Variants in ODAD3 observed in about 807,000 individuals in gnomAD.
ODAD3 encodes outer dynein arm docking complex subunit 3.
A neutral mutation model predicts 70.9 loss-of-function variants in ODAD3; 57 were observed. The ratio of observed to expected loss-of-function variants is 0.80; its 90% CI spans 0.65 to 1.00. The LOEUF is 1.00. Ranked by LOEUF, ODAD3 falls within the 50% of genes least tolerant of loss-of-function variation. ODAD3 has a pLI of 0.00. For missense variants in ODAD3, 797 were observed against 763.9 expected (o/e 1.04, Z -0.51); for synonymous variants, 327 against 315.9 (o/e 1.04, Z -0.37).
chr19:11,428,461 A>T (rs914659630), intron 3 of ODAD3, among the ~76,000 whole-genome samples: 1 of 151,944 alleles, frequency 6.6e-6, no homozygotes, highest in African/African-American at 2.4e-5. Flanking sequence ...CAGGCTGGTC[A>T]TGAACTTCTG....
rs1377587162 is a variant in ODAD3, at chr19:11,420,721, T to G, written c.*114A>C. On this transcript the variant is annotated 3_prime_UTR_variant, in exon 13 of 13. Coordinates refer to ENST00000356392, the MANE Select transcript of ODAD3 (RefSeq NM_145045.5). ...TCCCCTCCGGGCGCCGCTGGCCGCC[T>G]CCGTTCCCGGTCCGGGCCGCGTTCA... The G allele has an allele frequency of 3.4e-6, 3 of 887,054 alleles. No homozygotes were observed. The highest frequency in any genetic ancestry group is 1.7e-5 in the African/African-American group (1 of 59,914). The allele number at this position is 887,054 out of a possible 1,614,324, so 54.9% of individuals were successfully genotyped here.
At position 11,421,716 on chromosome 19, in the gene ODAD3, G is replaced by A; in HGVS notation, c.1551C>T (p.His517=). 2 of 1,613,332 alleles carry A rather than the reference G, an allele frequency of 1.2e-6. No homozygotes were observed. Among genetic ancestry groups the A allele is most frequent in the South Asian group, 1.1e-5 (1 of 91,084 alleles). Residue 517 remains histidine (H), a synonymous_variant, in exon 11 of 13, where the codon CAC becomes CAT. Transcript: ENST00000356392. The stretch of plus-strand genomic sequence containing the variant: ...TGTGGCACAGCATCTCCTGCACGTC[G>A]TGGCCCTGGAGCTGCGCCTGCAGTT... ...LLKLQAQLQG[H]DVQEMLCHIA... is the part of the protein sequence containing the mutation.
At chr19:11,432,110 C>CA (rs754127984) in intron 1 of ODAD3, among the ~76,000 whole-genome samples, 13 of 152,178 alleles carry the variant, frequency 8.5e-5, no homozygotes, top group East Asian at 7.7e-4. Flanking sequence ...GACTCTGTCT[C>CA]AAAAAACAAA....
At position 11,425,616 on chromosome 19, in the gene ODAD3, T is replaced by TGCATATAC. The variant is rs1969345699; in HGVS notation, c.963+527_963+528insGTATATGC. Reference sequence around the variant, plus strand: ...ATGTGTATATATGTGTGTGTATATATGCATATATGCATATATGTATATATA... The same window carrying TGCATATAC: ...ATGTGTATATATGTGTGTGTATATATGCATATACGCATATATGCATATATGTATATATA... On this transcript the variant is annotated intron_variant, in intron 7 of 12. Transcript: ENST00000356392. Among the ~76,000 whole-genome samples, 38 of 142,648 alleles carry TGCATATAC rather than the reference T, an allele frequency of 2.7e-4. 2 individuals carry two copies. Among genetic ancestry groups the TGCATATAC allele is most frequent in the African/African-American group, 1.1e-3 (38 of 35,966 alleles). 93.6% of individuals were successfully genotyped at this position (142,648 alleles called of 152,430 possible).
intron 1 of ODAD3, among the ~76,000 whole-genome samples, chr19:11,432,199 C>T (rs572960011): frequency 5.4e-4 from 82 of 152,312 alleles, no homozygotes; most frequent in Non-Finnish European, 1.0e-3. Flanking sequence ...CAGATACAAA[C>T]AGTTGTCCCT....
chr19:11,434,951 C>A lies in ODAD3; in HGVS notation c.66G>T (p.Thr22=). The A allele has an allele frequency of 6.2e-7, 1 of 1,613,866 alleles. No homozygotes were observed. Among genetic ancestry groups the A allele is most frequent in the East Asian group, 2.2e-5 (1 of 44,892 alleles). ...NALPPQDQAS[T]PSSRVKGREA... ...CCCTGCCCTTGACCCTGGAAGAGGGCGTCGAAGCCTGGTCCTGAGGAGGCA... is the reference window on the plus strand; with the variant it reads ...CCCTGCCCTTGACCCTGGAAGAGGGAGTCGAAGCCTGGTCCTGAGGAGGCA... Residue 22 remains threonine, a synonymous_variant, in exon 1 of 13, where the codon ACG becomes ACT. Transcript: ENST00000356392.
intron 7 of ODAD3, among the ~76,000 whole-genome samples, chr19:11,424,982 T>TATATGTACATATGTGC (rs1969251772): frequency 8.3e-5 from 11 of 132,354 alleles, no homozygotes; most frequent in Non-Finnish European, 1.4e-4. Context: ...TATATATGTG[T>TATATGTACATATGTGC]ATATGTACAT....
rs1340408954 is a variant in ODAD3 at position 11,427,058 on chromosome 19, G to A, written c.445-18C>T. On this transcript the variant is annotated intron_variant, in intron 3 of 12. Transcript: ENST00000356392. ...TCCAGGGCCTGCCGCAAGGAGGGGA[G>A]CGAAAGCAGGAGCCTCAACACCCTA... The A allele has an allele frequency of 6.4e-7, 1 of 1,555,128 alleles. No individual in the cohort carries two copies. The highest frequency in any genetic ancestry group is 1.2e-5 in the South Asian group (1 of 86,426).
chr19:11,427,848 C>T (rs1006337122), intron 3 of ODAD3, among the ~76,000 whole-genome samples: 5 of 150,766 alleles, frequency 3.3e-5, no homozygotes, highest in African/African-American at 9.7e-5. Context: ...CGCCTGTAAT[C>T]CCAGCACTTT....
chr19:11,430,635 G>T (rs1395990205), intron 3 of ODAD3, 64 bp downstream of exon 3: 7 of 1,477,106 alleles, frequency 4.7e-6, no homozygotes, highest in Non-Finnish European at 6.6e-6. Context: ...GGTGAGCCTG[G>T]AGTCCAGTGG....
Position 11,427,046 on chromosome 19 carries a change from G to C in ODAD3, c.445-6C>G. ...TGGTCTAGGTGCTCCAGGGCCTGCC[G>C]CAAGGAGGGGAGCGAAAGCAGGAGC... On this transcript the variant is annotated splice_region_variant and splice_polypyrimidine_tract_variant and intron_variant, in intron 3 of 12. Coordinates refer to ENST00000356392, the MANE Select transcript of ODAD3 (RefSeq NM_145045.5). 6.4e-7 allele frequency: 1 copy of C among 1,571,058 alleles called. No individual in the cohort carries two copies. Among genetic ancestry groups the C allele is most frequent in the Non-Finnish European group, 8.6e-7 (1 of 1,163,836 alleles).
chr19:11,425,239 A>ATG lies in ODAD3; in HGVS notation c.963+903_963+904dup, dbSNP rs1157453827. On this transcript the variant is annotated intron_variant, in intron 7 of 12. Coordinates refer to ENST00000356392, the MANE Select transcript of ODAD3 (RefSeq NM_145045.5). The stretch of plus-strand genomic sequence containing the variant: ...TGTATATATGTGTGTATATGTACAT[A>ATG]TGTGTATATATGTATATGTACATAT... Among the ~76,000 whole-genome samples the ATG allele has an allele frequency of 2.9e-5, 4 of 135,972 alleles. 1 individual carries two copies. Among genetic ancestry groups the ATG allele is most frequent in the Admixed American group, 1.4e-4 (2 of 14,262 alleles). 89.2% of individuals were successfully genotyped at this position (135,972 alleles called of 152,430 possible).
At position 11,427,059 on chromosome 19, in the gene ODAD3, C is replaced by A. The variant is rs1195608300; in HGVS notation, c.445-19G>T. On this transcript the variant is annotated intron_variant, in intron 3 of 12. Coordinates refer to ENST00000356392, the MANE Select transcript of ODAD3 (RefSeq NM_145045.5). ...CCAGGGCCTGCCGCAAGGAGGGGAG[C>A]GAAAGCAGGAGCCTCAACACCCTAC... The A allele has an allele frequency of 7.7e-6, 12 of 1,553,964 alleles. No individual in the cohort carries two copies. The highest frequency in any genetic ancestry group is 9.5e-6 in the Non-Finnish European group (11 of 1,154,526).
intron 1 of ODAD3, among the ~76,000 whole-genome samples, chr19:11,431,597 C>T (rs1356037065): frequency 1.3e-5 from 2 of 151,232 alleles, no homozygotes; most frequent in African/African-American, 2.4e-5. Context: ...TCAAGATCAG[C>T]CTGGCCAACA....
intron 7 of ODAD3, among the ~76,000 whole-genome samples, chr19:11,425,362 CATATGTGT>C (rs1369700894): frequency 9.8e-6 from 1 of 102,264 alleles, no homozygotes; most frequent in Non-Finnish European, 2.0e-5. Context: ...TGTATATGTA[CATATGTGT>C]ATATATGTGT....
In ODAD3 at chr19:11,426,830, C is replaced by G. The variant is rs149051901; in HGVS notation, c.612+43G>C. The G allele has an allele frequency of 2.5e-6, 4 of 1,613,054 alleles. No homozygotes were observed. The South Asian group carries it at 4.4e-5, about 18-fold the overall frequency. On this transcript the variant is annotated intron_variant, in intron 4 of 12. Transcript: ENST00000356392. The stretch of plus-strand genomic sequence containing the variant: ...GCTGAGGGCCCTCCGCACTCAATCC[C>G]TCCCACACGACCCTCTGCCCTGCAG...
At chr19:11,430,446 T>C in intron 3 of ODAD3, 1 of 524,728 alleles carries the variant, frequency 1.9e-6, no homozygotes, top group Non-Finnish European at 3.4e-6. Flanking sequence ...CTGTGATGTT[T>C]TTTTTTTTAA....
intron 7 of ODAD3, 142 bp from the exon 8 acceptor site, chr19:11,424,171 G>T: frequency 9.4e-7 from 1 of 1,065,764 alleles, no homozygotes; most frequent in Non-Finnish European, 1.4e-6. Context: ...CTTGGGGCCA[G>T]ATAAAGGCAC....
rs772186012 is a variant in ODAD3, at chr19:11,421,642, G to T, written c.1590+35C>A. 4 of 1,595,214 alleles carry T rather than the reference G, an allele frequency of 2.5e-6. No individual in the cohort carries two copies. In the East Asian group the frequency reaches 6.7e-5, roughly 27 times the overall value. On this transcript the variant is annotated intron_variant, in intron 11 of 12. Coordinates refer to ENST00000356392, the MANE Select transcript of ODAD3 (RefSeq NM_145045.5). ...GTTTTCCGACCCAGCCCTACTCCTA[G>T]ATCTCTGGAGCTCTGCCCCATGGCT...
Sources: allele counts gnomAD v4.1 joint callset (sites outside exome capture counted in the v4.1 genomes callset), GRCh38; gene constraint gnomAD v4.1.1; transcripts MANE v1.5; gene names NCBI Gene and HGNC (gene_info 2026-07-23, HGNC 2026-07-21).